GADL1: variants seen among roughly 807,000 people sequenced by gnomAD.
GADL1 encodes the protein acidic amino acid decarboxylase GADL1.
GADL1 carries 71 observed loss-of-function variants against 69.5 expected under a neutral mutation model. The ratio of observed to expected loss-of-function variants is 1.02; its 90% confidence interval spans 0.84 to 1.25. GADL1 has a LOEUF of 1.25. GADL1 is among the 50% of genes most tolerant of loss of function. The pLI is 0.00. For missense variants in GADL1, 737 were observed against 631.8 expected, an observed-to-expected ratio of 1.17 and a Z score of -1.79; for synonymous variants, 254 against 214.4, an observed-to-expected ratio of 1.18 and a Z score of -1.62.
intron 1 of GADL1, among the ~76,000 whole-genome samples, chr3:30,868,631 CAATA>C (rs1465339937): frequency 1.3e-5 from 2 of 151,852 alleles, no homozygotes. Context: ...GTAAAGAACT[CAATA>C]AATGATAACT....
chr3:30,745,706 A>G (rs1477342027), intron 14 of GADL1, among the ~76,000 whole-genome samples: 1 of 152,278 alleles, frequency 6.6e-6, no homozygotes, highest in East Asian at 1.9e-4. Context: ...GCCAATATTC[A>G]TCATCTTTGG....
At chr3:30,833,991 A>G in intron 10 of GADL1, 57 bp from the exon 11 acceptor site, 1 of 1,168,592 alleles carries the variant, frequency 8.6e-7, no homozygotes, top group Non-Finnish European at 1.3e-6. Flanking sequence ...TTCTACAGGC[A>G]ATGGAATACT....
At chr3:30,831,517 G>T (rs1657407664) in intron 11 of GADL1, among the ~76,000 whole-genome samples, 1 of 151,934 alleles carries the variant, frequency 6.6e-6, no homozygotes, top group South Asian at 2.1e-4. Flanking sequence ...ATATCGCAAA[G>T]TCTGAAAGGA....
rs71793815 is a variant in GADL1 at position 30,727,422 on chromosome 3, G to GTATATA, written c.*814_*819dup. 5.2e-3 allele frequency: 750 copies of GTATATA among 143,516 alleles called. 32 individuals are homozygous for GTATATA. In the East Asian group the frequency reaches 0.083, roughly 16 times the overall value. 8.9% of individuals were successfully genotyped at this position (143,516 alleles called of 1,614,324 possible). Reference sequence around the variant, plus strand: ...TATATATATATATATGTGTGTGTGTGTATATATATATATATATATAATTTT... The same window carrying GTATATA: ...TATATATATATATATGTGTGTGTGTGTATATATATATATATATATATATATAATTTT... On this transcript the variant is annotated 3_prime_UTR_variant, in exon 15 of 15. Coordinates refer to ENST00000282538, the MANE Select transcript of GADL1 (RefSeq NM_207359.3).
At chr3:30,797,901 A>G (rs1361004085) in intron 12 of GADL1, 1 of 152,174 alleles carries the variant, frequency 6.6e-6, no homozygotes, top group Non-Finnish European at 1.5e-5. Flanking sequence ...TATAAGCTCA[A>G]CAAAACACAT....
chr3:30,778,031 T>C (rs922277356), intron 14 of GADL1, 148 bp downstream of exon 14: 1 of 578,402 alleles, frequency 1.7e-6, no homozygotes, highest in African/African-American at 1.9e-5. Context: ...TCTACAACTG[T>C]TTGGCCTGTC....
At chr3:30,758,450 C>T (rs1696034141) in intron 14 of GADL1, among the ~76,000 whole-genome samples, 3 of 152,112 alleles carry the variant, frequency 2.0e-5, no homozygotes, top group Admixed American at 1.3e-4. Context: ...GGAAGAACCA[C>T]AATGATTGTG....
intron 6 of GADL1, among the ~76,000 whole-genome samples, chr3:30,846,935 G>A (rs1698068227): frequency 6.6e-6 from 1 of 152,144 alleles, no homozygotes; most frequent in Non-Finnish European, 1.5e-5. Context: ...GCCTCTCCTG[G>A]CCTAAGCCCT....
chr3:30,864,500 C>T (rs1698368040), intron 1 of GADL1, among the ~76,000 whole-genome samples: 1 of 151,944 alleles, frequency 6.6e-6, no homozygotes, highest in South Asian at 2.1e-4. Context: ...CCCCATAATT[C>T]ACACAATTAT....
At chr3:30,759,857 C>T (rs535155823) in intron 14 of GADL1, among the ~76,000 whole-genome samples, 47 of 152,182 alleles carry the variant, frequency 3.1e-4, no homozygotes, top group African/African-American at 1.0e-3. Flanking sequence ...AAGCTAATGT[C>T]GGCAGATATA....
intron 14 of GADL1, among the ~76,000 whole-genome samples, chr3:30,754,855 C>T (rs1466691904): frequency 8.1e-6 from 1 of 123,306 alleles, no homozygotes; most frequent in Non-Finnish European, 1.7e-5. Context: ...AACTGCAGGG[C>T]ACTGATTTTT....
intron 1 of GADL1, among the ~76,000 whole-genome samples, chr3:30,888,164 A>G: frequency 6.6e-6 from 1 of 152,060 alleles, no homozygotes. Flanking sequence ...GCAGTTTGTT[A>G]AATATGCAGA....
chr3:30,844,991 A>G (rs1204638320), intron 6 of GADL1, among the ~76,000 whole-genome samples: 3 of 152,180 alleles, frequency 2.0e-5, no homozygotes, highest in South Asian at 2.1e-4. Flanking sequence ...GCAAGACTCT[A>G]TCTCAAAGAT....
chr3:30,788,306 A>G (rs890752219), intron 12 of GADL1, among the ~76,000 whole-genome samples: 5 of 152,218 alleles, frequency 3.3e-5, no homozygotes, highest in African/African-American at 1.2e-4. Context: ...TGAATGCTGC[A>G]GGAAAGTTCC....
At chr3:30,781,929 G>T (rs1047862363) in intron 13 of GADL1, among the ~76,000 whole-genome samples, 1 of 152,130 alleles carries the variant, frequency 6.6e-6, no homozygotes, top group African/African-American at 2.4e-5. Context: ...TTAATTTCTT[G>T]GTACTATATT....
chr3:30,894,132 C>G (rs1698820933), intron 1 of GADL1, among the ~76,000 whole-genome samples: 1 of 152,164 alleles, frequency 6.6e-6, no homozygotes, highest in Non-Finnish European at 1.5e-5. Context: ...AAGGGCATCA[C>G]CTACTCTGAG....
intron 14 of GADL1, among the ~76,000 whole-genome samples, chr3:30,768,757 T>C (rs1696348097): frequency 6.6e-6 from 1 of 152,172 alleles, no homozygotes; most frequent in Non-Finnish European, 1.5e-5. Flanking sequence ...TCTCTGAGAA[T>C]TTGACTTAGG....
At chr3:30,783,253 AAAAAT>A (rs1412928502) in intron 13 of GADL1, among the ~76,000 whole-genome samples, 2 of 152,226 alleles carry the variant, frequency 1.3e-5, no homozygotes, top group African/African-American at 2.4e-5. Flanking sequence ...CCAAGAGATA[AAAAAT>A]AAAATATGTG....
rs544533967 is a variant in GADL1 at position 30,838,941 on chromosome 3, C to T, written c.903+56G>A. 6.1e-5 allele frequency: 65 copies of T among 1,070,270 alleles called. 1 individual carries two copies. The East Asian group carries it at 1.8e-3, about 29-fold the overall frequency. The allele number at this position is 1,070,270 out of a possible 1,614,324, so 66.3% of individuals were successfully genotyped here. ...TTTCTGAGAATAAGAAAAATTTCTA[C>T]CAAGGCTACAAAAAGACCAAAGGTT... is the stretch of plus-strand genomic sequence containing the variant. On this transcript the variant is annotated intron_variant, in intron 9 of 14. Transcript: ENST00000282538.
Sources: gnomAD v4.1 joint callset for allele counts (sites outside exome capture counted in the v4.1 genomes callset) on GRCh38, gnomAD v4.1.1 for gene constraint, MANE v1.5 for transcripts, NCBI Gene and HGNC (gene_info 2026-07-23, HGNC 2026-07-21) for gene names.